UTRN: variants seen among roughly 807,000 people sequenced by gnomAD.
UTRN encodes utrophin, also known as dystrophin-related protein 1.
Under a neutral mutation model 463.9 loss-of-function variants are expected in UTRN, and 283 were observed. The observed-to-expected ratio is 0.61, with a 90% confidence interval of 0.55 to 0.67. The LOEUF (loss-of-function observed/expected upper bound fraction) is 0.67. Ranked by LOEUF, UTRN falls within the 30% of genes least tolerant of loss-of-function variation. The pLI, the probability that UTRN is intolerant of heterozygous loss-of-function variation, is 0.00. For missense variants in UTRN, 3,922 were observed against 4,084.3 expected (o/e 0.96, Z 1.08); for synonymous variants, 1,442 against 1,431.5 (o/e 1.01, Z -0.17).
At position 144,488,756 on chromosome 6, in the gene UTRN, C is replaced by T. The variant is rs1792733071; in HGVS notation, c.4056C>T (p.Ser1352=). The change falls in exon 30 of 75, where the codon AGC becomes AGT. Residue 1352 remains serine (S), a synonymous_variant. Transcript: ENST00000367545. ...TDQMLQVLQE[S]LGELDKQLTT... Reference sequence around the variant, plus strand: ...AGATGCTTCAAGTCTTGCAAGAGAGCTTGGGGGAGCTGGACAAACAGCTCA... The same window carrying T: ...AGATGCTTCAAGTCTTGCAAGAGAGTTTGGGGGAGCTGGACAAACAGCTCA... 2.5e-6 allele frequency: 4 copies of T among 1,613,270 alleles called. No individual in the cohort carries two copies. Among genetic ancestry groups the T allele is most frequent in the Non-Finnish European group, 3.4e-6 (4 of 1,179,494 alleles).
intron 74 of UTRN, among the ~76,000 whole-genome samples, chr6:144,848,857 G>A (rs936351235): frequency 2.0e-5 from 3 of 152,062 alleles, no homozygotes; most frequent in Non-Finnish European, 2.9e-5. Flanking sequence ...CATGACCTAC[G>A]GAGTCAGTAG....
At chr6:144,537,769 T>G in intron 44 of UTRN, 52 bp downstream of exon 44, 2 of 1,579,094 alleles carry the variant, frequency 1.3e-6, no homozygotes, top group Non-Finnish European at 8.6e-7. Context: ...ACATTATACT[T>G]CAGAGTCACA....
intron 69 of UTRN, among the ~76,000 whole-genome samples, chr6:144,834,352 GTT>G (rs1316198300): frequency 6.6e-6 from 1 of 152,128 alleles, no homozygotes; most frequent in Non-Finnish European, 1.5e-5. Flanking sequence ...AAGAGAGGGG[GTT>G]TATTGATGAA....
intron 65 of UTRN, among the ~76,000 whole-genome samples, chr6:144,819,892 TC>T: frequency 1.8e-5 from 2 of 110,054 alleles, no homozygotes; most frequent in East Asian, 4.4e-4. Flanking sequence ...CTCCTCCTCC[TC>T]CTCCTCCTCC....
intron 34 of UTRN, among the ~76,000 whole-genome samples, chr6:144,506,610 G>C (rs1353153806): frequency 6.6e-6 from 1 of 152,180 alleles, no homozygotes; most frequent in Non-Finnish European, 1.5e-5. Context: ...CTGGCTTGTA[G>C]GTTTTCTGCA....
In UTRN at chr6:144,286,792, C is replaced by G. The variant is rs1803706272; in HGVS notation, c.-93+971C>G. 6.6e-6 allele frequency among the ~76,000 whole-genome samples: 1 copy of G among 152,042 alleles called. No homozygotes were observed. Among genetic ancestry groups the G allele is most frequent in the South Asian group, 2.1e-4 (1 of 4,820 alleles). On this transcript the variant is annotated intron_variant, in intron 1 of 74. Coordinates refer to ENST00000367545, the MANE Select transcript of UTRN (RefSeq NM_007124.3). The surrounding 1 kb of genome is among the most constrained non-coding windows in gnomAD (Gnocchi z 4.4). ...CCGACCTCCGAGAGAGCTGTGGGACCAGCACTTTATTTTACAAGGAACTGC... is the reference window on the plus strand; with the variant it reads ...CCGACCTCCGAGAGAGCTGTGGGACGAGCACTTTATTTTACAAGGAACTGC...
At chr6:144,388,770 G>T (rs1781640836) in intron 2 of UTRN, among the ~76,000 whole-genome samples, 1 of 152,082 alleles carries the variant, frequency 6.6e-6, no homozygotes. Flanking sequence ...CCAAAGTGCT[G>T]GGATTACATG....
At chr6:144,628,881 T>C (rs1024483464) in intron 51 of UTRN, among the ~76,000 whole-genome samples, 2 of 151,856 alleles carry the variant, frequency 1.3e-5, no homozygotes, top group African/African-American at 4.8e-5. Flanking sequence ...GGTTCTGGAG[T>C]TGAGGGCTGG....
chr6:144,417,306 G>T (rs2114835566), intron 3 of UTRN, among the ~76,000 whole-genome samples: 2 of 152,148 alleles, frequency 1.3e-5, no homozygotes, highest in Admixed American at 1.3e-4. Context: ...CATAATTTTA[G>T]TAGCAGTATA....
chr6:144,576,708 G>A (rs1585359219), intron 50 of UTRN, among the ~76,000 whole-genome samples: 4 of 152,154 alleles, frequency 2.6e-5, no homozygotes, highest in African/African-American at 7.2e-5. Flanking sequence ...TCGTATAGTC[G>A]CTGACTGTAT....
At position 144,730,079 on chromosome 6, in the gene UTRN, G is replaced by C. The variant is rs9403592; in HGVS notation, c.7810-278G>C. Among the ~76,000 whole-genome samples, 61 of 152,318 alleles carry C rather than the reference G, an allele frequency of 4.0e-4. No individual in the cohort carries two copies. The East Asian group carries it at 0.01, about 26-fold the overall frequency. ...AGTGAAAATCCTAAAAGTACATTTT[G>C]TGTAAATTCAAATACACTGTAACAA... On this transcript the variant is annotated intron_variant, in intron 53 of 74. Coordinates refer to ENST00000367545, the MANE Select transcript of UTRN (RefSeq NM_007124.3).
intron 2 of UTRN, among the ~76,000 whole-genome samples, chr6:144,390,413 T>G (rs369788485): frequency 7.9e-5 from 12 of 152,198 alleles, no homozygotes; most frequent in African/African-American, 2.7e-4. Flanking sequence ...TTTTTCATGT[T>G]AATCTCACTA....
intron 44 of UTRN, among the ~76,000 whole-genome samples, chr6:144,538,927 T>C (rs886298356): frequency 2.0e-5 from 3 of 152,218 alleles, no homozygotes; most frequent in South Asian, 4.1e-4. Context: ...GAATGTCTCT[T>C]TTGTAAACAA....
intron 74 of UTRN, among the ~76,000 whole-genome samples, chr6:144,848,592 G>C (rs981703032): frequency 7.9e-5 from 12 of 152,168 alleles, no homozygotes; most frequent in African/African-American, 2.7e-4. Flanking sequence ...TGGAGGTAGA[G>C]GTGGTTGTCA....
intron 2 of UTRN, among the ~76,000 whole-genome samples, chr6:144,368,684 G>C (rs1239305401): frequency 6.6e-6 from 1 of 152,062 alleles, no homozygotes; most frequent in Non-Finnish European, 1.5e-5. Context: ...TGAGGCAGGA[G>C]AGTCGCTTGA....
chr6:144,547,547 C>T (rs1028430585), intron 46 of UTRN, among the ~76,000 whole-genome samples: 4 of 152,002 alleles, frequency 2.6e-5, no homozygotes, highest in Admixed American at 2.0e-4. Flanking sequence ...AAAATCAGTC[C>T]CATCATTTCC....
intron 51 of UTRN, among the ~76,000 whole-genome samples, chr6:144,595,997 A>T (rs552868284): frequency 5.3e-5 from 8 of 152,156 alleles, no homozygotes; most frequent in Admixed American, 4.6e-4. Context: ...CATTTGCTCT[A>T]TTTTGAAGTA....
At chr6:144,299,946 T>G (rs560501008) in intron 2 of UTRN, among the ~76,000 whole-genome samples, 42 of 152,282 alleles carry the variant, frequency 2.8e-4, no homozygotes, top group Middle Eastern at 3.4e-3. Flanking sequence ...TTGAAATAAT[T>G]TGCCTACCAT....
At chr6:144,732,873 T>A (rs1788910501) in intron 54 of UTRN, among the ~76,000 whole-genome samples, 2 of 152,138 alleles carry the variant, frequency 1.3e-5, no homozygotes, top group Admixed American at 6.6e-5. Flanking sequence ...CTATCTTTTT[T>A]AAAAGTTTTT....
Sources: gnomAD v4.1 joint callset for allele counts (sites outside exome capture counted in the v4.1 genomes callset) on GRCh38, gnomAD v4.1.1 for gene constraint, Gnocchi (gnomAD v3.1) non-coding constraint, MANE v1.5 for transcripts, NCBI Gene and HGNC (gene_info 2026-07-23, HGNC 2026-07-21) for gene names.